Variants in NOD2 observed in about 807,000 individuals in gnomAD.
NOD2 encodes the protein nucleotide binding oligomerization domain containing 2.
Under a neutral mutation model 90.9 loss-of-function variants are expected in NOD2, and 86 were observed. That is an observed-to-expected ratio of 0.95 (90% CI 0.79 to 1.13). The LOEUF (loss-of-function observed/expected upper bound fraction) is 1.13. Ranked by LOEUF, NOD2 falls within the 50% of genes most tolerant of loss-of-function variation. The probability of loss-of-function intolerance (pLI) is 0.00; values close to 1 mark genes in which losing one functional copy is unlikely to be tolerated. For missense variants in NOD2, 1,238 were observed against 1,283.8 expected, an observed-to-expected ratio of 0.96 and a Z score of 0.55; for synonymous variants, 581 against 554.6, an observed-to-expected ratio of 1.05 and a Z score of -0.67.
rs1030135115 is a variant in NOD2, at chr16:50,698,700, A to C, written c.-8-788A>C. Reference sequence around the variant, plus strand: ...TTGGTGCCTCAGTGTCTTCCTCTGTAGAATGGGTAGATCATAGGCACTACT... The same window carrying C: ...TTGGTGCCTCAGTGTCTTCCTCTGTCGAATGGGTAGATCATAGGCACTACT... On this transcript the variant is annotated intron_variant, in intron 1 of 11. Coordinates refer to ENST00000647318, the MANE Select transcript of NOD2 (RefSeq NM_001370466.1). Among the ~76,000 whole-genome samples the C allele has an allele frequency of 1.1e-4, 16 of 152,212 alleles. No individual in the cohort carries two copies. In the East Asian group the frequency reaches 3.1e-3, roughly 29 times the overall value.
At chr16:50,730,283 A>T (rs564524099) in intron 11 of NOD2, among the ~76,000 whole-genome samples, 1 of 152,366 alleles carries the variant, frequency 6.6e-6, no homozygotes, top group East Asian at 1.9e-4. Context: ...TGGAGATTAC[A>T]CAGGTTAGGA....
rs2066843 is a variant in NOD2, at chr16:50,711,288, C to T, written c.1296C>T (p.Arg432=). Residue 432 remains arginine (R), a synonymous_variant, in exon 4 of 12, where the codon CGC becomes CGT. Transcript: ENST00000647318. ...EQGIELYLRK[R]HHEPGVADRL... ...GCATCGAGCTGTACCTGAGGAAGCG[C>T]CATCATGAGCCCGGGGTGGCGGACC... is the stretch of plus-strand genomic sequence containing the variant. 379,036 of 1,613,584 alleles carry T rather than the reference C, an allele frequency of 0.23. 49,664 individuals carry two copies. The highest frequency in any genetic ancestry group is 0.27 in the Non-Finnish European group (319,653 of 1,179,974).
Position 50,731,942 on chromosome 16 carries a change from C to T in NOD2, c.*123C>T. The T allele has an allele frequency of 1.3e-6, 1 of 758,460 alleles. No individual in the cohort carries two copies. The allele number at this position is 758,460 out of a possible 1,614,324, so 47.0% of individuals were successfully genotyped here. ...GAGCCCTGTCCTGCCTAAGGCTGAA[C>T]TTGTTTTCTGGGAACACCATAGGTC... On this transcript the variant is annotated 3_prime_UTR_variant, in exon 12 of 12. Coordinates refer to ENST00000647318, the MANE Select transcript of NOD2 (RefSeq NM_001370466.1).
At chr16:50,717,665 GC>G (rs1384727948) in intron 6 of NOD2, among the ~76,000 whole-genome samples, 2 of 152,190 alleles carry the variant, frequency 1.3e-5, no homozygotes, top group African/African-American at 4.8e-5. Context: ...TTTTAAAATG[GC>G]GGGCCACATA....
Position 50,731,739 on chromosome 16 carries a change from T to C in NOD2, c.2970-8T>C. Reference sequence around the variant, plus strand: ...CACTCAAACCTCTGTTCACTTGATCTGCTTTAGGCTCCGAGGGAACACTTT... The same window carrying C: ...CACTCAAACCTCTGTTCACTTGATCCGCTTTAGGCTCCGAGGGAACACTTT... On this transcript the variant is annotated splice_region_variant and splice_polypyrimidine_tract_variant and intron_variant, in intron 11 of 11. Coordinates refer to ENST00000647318, the MANE Select transcript of NOD2 (RefSeq NM_001370466.1). 1.2e-6 allele frequency: 2 copies of C among 1,608,620 alleles called. No homozygotes were observed. The highest frequency in any genetic ancestry group is 1.7e-6 in the Non-Finnish European group (2 of 1,174,958).
chr16:50,703,200 A>G (rs1964017608), intron 2 of NOD2, among the ~76,000 whole-genome samples: 1 of 152,258 alleles, frequency 6.6e-6, no homozygotes, highest in South Asian at 2.1e-4. Context: ...CAACTGCTAG[A>G]GGTAAACACT....
chr16:50,697,602 G>A (rs1057445989), intron 1 of NOD2: 9 of 476,786 alleles, frequency 1.9e-5, no homozygotes, highest in South Asian at 2.0e-5. Context: ...CCCTGTCCTC[G>A]GCCACCCCAC....
At chr16:50,730,435 C>T (rs1965415580) in intron 11 of NOD2, among the ~76,000 whole-genome samples, 1 of 152,198 alleles carries the variant, frequency 6.6e-6, no homozygotes. Context: ...GCAGCTGGGT[C>T]CAGTGTTGTA....
At chr16:50,695,333 A>G (rs1596814654) in intron 1 of NOD2, among the ~76,000 whole-genome samples, 1 of 152,126 alleles carries the variant, frequency 6.6e-6, no homozygotes, top group East Asian at 1.9e-4. Context: ...GGGGTGCAAG[A>G]GAAAGGTAGA....
intron 11 of NOD2, among the ~76,000 whole-genome samples, chr16:50,731,054 T>C (rs1965436808): frequency 6.6e-6 from 1 of 152,108 alleles, no homozygotes; most frequent in African/African-American, 2.4e-5. Context: ...GTGTAGTTCC[T>C]AGCCACTTGG....
At chr16:50,702,499 G>T (rs1363829761) in intron 2 of NOD2, among the ~76,000 whole-genome samples, 4 of 152,296 alleles carry the variant, frequency 2.6e-5, no homozygotes, top group African/African-American at 9.6e-5. Context: ...ATTTCATTTG[G>T]ATGGTGCTTG....
At position 50,711,996 on chromosome 16, in the gene NOD2, A is replaced by C. The variant is rs776985681; in HGVS notation, c.2004A>C (p.Thr668=). The change falls in exon 4 of 12, where the codon ACA becomes ACC. Residue 668 remains threonine (T), a synonymous_variant. Transcript: ENST00000647318. ...EHWGLLAECQ[T]SEKALLRRQA... The stretch of plus-strand genomic sequence containing the variant: ...GGGGCCTGCTGGCTGAGTGCCAGAC[A>C]TCTGAGAAGGCCCTGCTCCGGCGCC... The C allele has an allele frequency of 6.2e-7, 1 of 1,613,356 alleles. No individual in the cohort carries two copies.
In NOD2 at chr16:50,711,137, ACCTTCTGCAGGGCAAC is replaced by A. The variant is rs1964465339; in HGVS notation, c.1147_1162del (p.Leu383CysfsTer2). ...ACCTCTGTCCAGACCCTGCTCTTCA[ACCTTCTGCAGGGCAAC>A]CTGCTGAAGAATGCCCGCAAGGTGG... On this transcript the variant is annotated frameshift_variant, in exon 4 of 12. Coordinates refer to ENST00000647318, the MANE Select transcript of NOD2 (RefSeq NM_001370466.1). LOFTEE classifies it high-confidence loss of function. 1.2e-6 allele frequency: 2 copies of A among 1,613,936 alleles called. No homozygotes were observed. Among genetic ancestry groups the A allele is most frequent in the Admixed American group, 3.3e-5 (2 of 60,008 alleles).
chr16:50,730,800 C>G (rs118191897), intron 11 of NOD2, among the ~76,000 whole-genome samples: 2 of 152,246 alleles, frequency 1.3e-5, no homozygotes, highest in African/African-American at 2.4e-5. Flanking sequence ...TTTGGCAACT[C>G]ATTCCCATAA....
In NOD2 at chr16:50,723,085, TA is replaced by T. The variant is rs11292073; in HGVS notation, c.2718-200del. On this transcript the variant is annotated intron_variant, in intron 8 of 11. Coordinates refer to ENST00000647318, the MANE Select transcript of NOD2 (RefSeq NM_001370466.1). ...ATCAATTAGTGATGTCTAAAAAAGC[TA>T]AAAAAAAAAAAAAAAGAGCACTGCA... Among the ~76,000 whole-genome samples the T allele has an allele frequency of 0.75, 87,659 of 116,808 alleles. 31,306 individuals are homozygous for T. The highest frequency in any genetic ancestry group is 0.8 in the Middle Eastern group (190 of 238). 76.6% of individuals were successfully genotyped at this position (116,808 alleles called of 152,430 possible).
chr16:50,705,998 G>T (rs1964171439), intron 2 of NOD2, among the ~76,000 whole-genome samples: 1 of 152,206 alleles, frequency 6.6e-6, no homozygotes, highest in Non-Finnish European at 1.5e-5. Flanking sequence ...AAGTGGGTTT[G>T]GGAGTTGAGA....
intron 9 of NOD2, among the ~76,000 whole-genome samples, chr16:50,724,222 C>T (rs1337454073): frequency 6.6e-6 from 1 of 152,128 alleles, no homozygotes; most frequent in Non-Finnish European, 1.5e-5. Flanking sequence ...ATGGGCATTG[C>T]CATAAACAGA....
At chr16:50,720,115 C>A in intron 7 of NOD2, 107 bp downstream of exon 7, 3 of 982,682 alleles carry the variant, frequency 3.1e-6, no homozygotes, top group Non-Finnish European at 4.8e-6. Context: ...GGCAGCCCAG[C>A]TCCAGTGGGG....
intron 1 of NOD2, among the ~76,000 whole-genome samples, chr16:50,694,020 T>TTC (rs1963532760): frequency 6.6e-6 from 1 of 152,106 alleles, no homozygotes; most frequent in South Asian, 2.1e-4. Flanking sequence ...TGCCTCCTCC[T>TTC]TCTCCCTTGT....
Sources: gnomAD v4.1 joint callset for allele counts (sites outside exome capture counted in the v4.1 genomes callset) on GRCh38, gnomAD v4.1.1 for gene constraint, MANE v1.5 for transcripts, NCBI Gene and HGNC (gene_info 2026-07-23, HGNC 2026-07-21) for gene names.